NKAIN2: variants seen among roughly 807,000 people sequenced by gnomAD.
NKAIN2 encodes sodium/potassium transporting ATPase interacting 2.
NKAIN2 carries 14 observed loss-of-function variants against 32.6 expected under a neutral mutation model. The ratio of observed to expected loss-of-function variants is 0.43; its 90% CI spans 0.28 to 0.67. The LOEUF (loss-of-function observed/expected upper bound fraction) is 0.67, where lower values mean the gene tolerates loss of function less well. Ranked by LOEUF, NKAIN2 falls within the 30% of genes least tolerant of loss-of-function variation. The pLI, the probability that NKAIN2 is intolerant of heterozygous loss-of-function variation, is 0.17. For missense variants in NKAIN2, 198 were observed against 258.3 expected (o/e 0.77, Z 1.60); for synonymous variants, 80 against 87.2 (o/e 0.92, Z 0.46).
chr6:123,825,193 C>A (rs1774096659), intron 1 of NKAIN2, among the ~76,000 whole-genome samples: 1 of 152,072 alleles, frequency 6.6e-6, no homozygotes, highest in Non-Finnish European at 1.5e-5. Context: ...GACCTCATCA[C>A]CTCACACAGG....
chr6:124,194,636 G>T (rs762907279), intron 1 of NKAIN2, among the ~76,000 whole-genome samples: 7 of 151,540 alleles, frequency 4.6e-5, no homozygotes, highest in Non-Finnish European at 1.0e-4. Context: ...TTATATTCTA[G>T]GTCATAGATG....
At chr6:124,648,975 G>A (rs1256809965) in intron 3 of NKAIN2, among the ~76,000 whole-genome samples, 1 of 152,038 alleles carries the variant, frequency 6.6e-6, no homozygotes, top group South Asian at 2.1e-4. Flanking sequence ...AAATTTTGTA[G>A]AATGTAGTGA....
At chr6:123,870,631 A>C (rs1282032900) in intron 1 of NKAIN2, among the ~76,000 whole-genome samples, 1 of 152,220 alleles carries the variant, frequency 6.6e-6, no homozygotes, top group Non-Finnish European at 1.5e-5. Context: ...AACACTGAAT[A>C]AATGTTAGGT....
intron 3 of NKAIN2, among the ~76,000 whole-genome samples, chr6:124,604,025 G>A (rs572255426): frequency 2.6e-5 from 4 of 152,118 alleles, no homozygotes; most frequent in African/African-American, 9.6e-5. Flanking sequence ...GAGTATAAAA[G>A]GACACAGTTT....
chr6:123,962,522 G>A (rs1777892592), intron 1 of NKAIN2, among the ~76,000 whole-genome samples: 1 of 152,122 alleles, frequency 6.6e-6, no homozygotes, highest in Non-Finnish European at 1.5e-5. Flanking sequence ...TGTGCATAAC[G>A]TTGAGGAATT....
chr6:124,309,384 C>T (rs1379249131), intron 2 of NKAIN2, among the ~76,000 whole-genome samples: 3 of 151,940 alleles, frequency 2.0e-5, no homozygotes, highest in African/African-American at 4.8e-5. Context: ...AATTTATTAA[C>T]TTGAGTTAAT....
chr6:124,637,607 G>A (rs1234565299), intron 3 of NKAIN2, among the ~76,000 whole-genome samples: 1 of 151,948 alleles, frequency 6.6e-6, no homozygotes, highest in African/African-American at 2.4e-5. Flanking sequence ...AATTAGTAGT[G>A]TTTCTAAACA....
intron 1 of NKAIN2, among the ~76,000 whole-genome samples, chr6:124,279,303 C>G (rs767172245): frequency 2.0e-5 from 3 of 151,872 alleles, no homozygotes; most frequent in Admixed American, 2.0e-4. Flanking sequence ...GTCAGGAAAT[C>G]GAGACCATCC....
chr6:124,788,438 G>A (rs1317540666), intron 4 of NKAIN2, among the ~76,000 whole-genome samples: 3 of 152,044 alleles, frequency 2.0e-5, no homozygotes, highest in Non-Finnish European at 2.9e-5. Flanking sequence ...TGCTAATAAA[G>A]ACATACCCGA....
chr6:124,316,378 AT>A (rs1436817762), intron 2 of NKAIN2, among the ~76,000 whole-genome samples: 2 of 152,140 alleles, frequency 1.3e-5, no homozygotes, highest in Non-Finnish European at 2.9e-5. Context: ...AGAAATGAAC[AT>A]CAACACATAG....
intron 3 of NKAIN2, among the ~76,000 whole-genome samples, chr6:124,375,805 A>T (rs1198504793): frequency 6.6e-6 from 1 of 152,078 alleles, no homozygotes; most frequent in Non-Finnish European, 1.5e-5. Context: ...ATGAAGAAAC[A>T]CAGAAATTAT....
intron 2 of NKAIN2, among the ~76,000 whole-genome samples, chr6:124,334,818 A>G (rs945998319): frequency 1.3e-5 from 2 of 152,194 alleles, no homozygotes; most frequent in Non-Finnish European, 2.9e-5. Flanking sequence ...GTTTTGGAAA[A>G]GGGCTATTGT....
intron 1 of NKAIN2, among the ~76,000 whole-genome samples, chr6:123,951,026 T>C (rs1777301202): frequency 6.6e-6 from 1 of 152,062 alleles, no homozygotes; most frequent in African/African-American, 2.4e-5. Flanking sequence ...CATCCAGTGG[T>C]CATTTAGGAG....
intron 1 of NKAIN2, among the ~76,000 whole-genome samples, chr6:123,996,957 C>A (rs1023605245): frequency 1.3e-5 from 2 of 152,100 alleles, no homozygotes; most frequent in African/African-American, 4.8e-5. Flanking sequence ...TTGATATCAT[C>A]ATTTGAAAGA....
At chr6:124,587,863 C>T (rs1781764944) in intron 3 of NKAIN2, among the ~76,000 whole-genome samples, 2 of 152,180 alleles carry the variant, frequency 1.3e-5, no homozygotes, top group South Asian at 2.1e-4. Flanking sequence ...TGTGTCTGCT[C>T]ATATTGCCAA....
At chr6:124,472,416 G>A (rs1158708979) in intron 3 of NKAIN2, among the ~76,000 whole-genome samples, 6 of 152,000 alleles carry the variant, frequency 3.9e-5, no homozygotes, top group Non-Finnish European at 7.4e-5. Context: ...GGATAAATAC[G>A]AACAATTACA....
chr6:123,948,597 A>ATTTTTTTTTTTTTTTTT (rs71021472), intron 1 of NKAIN2, among the ~76,000 whole-genome samples: 16 of 49,318 alleles, frequency 3.2e-4, no homozygotes, highest in Non-Finnish European at 4.5e-4. Context: ...CTTAAATGGG[A>ATTTTTTTTTTTTTTTTT]TTTTTTTTTT....
intron 1 of NKAIN2, among the ~76,000 whole-genome samples, chr6:124,223,212 CAAAAAAAAAAAA>C (rs369262954): frequency 0.11 from 7,683 of 68,672 alleles, 452 homozygotes; most frequent in African/African-American, 0.26. Context: ...GACTCCATCT[CAAAAAAAAAAAA>C]AAAAAAAAAA....
intron 2 of NKAIN2, among the ~76,000 whole-genome samples, chr6:124,312,763 A>G (rs1796776729): frequency 6.6e-6 from 1 of 152,198 alleles, no homozygotes; most frequent in Non-Finnish European, 1.5e-5. Flanking sequence ...ATCTAATGCT[A>G]ATAGACTGAG....
Sources: allele counts gnomAD v4.1 joint callset (sites outside exome capture counted in the v4.1 genomes callset), GRCh38; gene constraint gnomAD v4.1.1; transcripts MANE v1.5; gene names NCBI Gene and HGNC (gene_info 2026-07-23, HGNC 2026-07-21).